Variants in SETD2 observed in about 807,000 individuals in gnomAD.
SETD2 encodes histone-lysine N-methyltransferase SETD2.
A neutral mutation model predicts 242.1 loss-of-function variants in SETD2; 31 were observed. The observed-to-expected ratio is 0.13, with a 90% CI of 0.10 to 0.17. The LOEUF is 0.17. Ranked by LOEUF, SETD2 falls within the 10% of genes least tolerant of loss-of-function variation. The pLI, the probability that SETD2 is intolerant of heterozygous loss-of-function variation, is 1.00. For missense variants in SETD2, 2,481 were observed against 3,046.3 expected, an observed-to-expected ratio of 0.81 and a Z score of 4.37; for synonymous variants, 1,006 against 1,066.5, an observed-to-expected ratio of 0.94 and a Z score of 1.11.
At chr3:47,055,433 C>CA (rs1010237399) in intron 15 of SETD2, among the ~76,000 whole-genome samples, 4 of 152,046 alleles carry the variant, frequency 2.6e-5, no homozygotes, top group Non-Finnish European at 4.4e-5. Context: ...TGGCCAGGCA[C>CA]AGTGGCTCAC....
At position 47,062,305 on chromosome 3, in the gene SETD2, T is replaced by C; in HGVS notation, c.6151A>G (p.Thr2051Ala). The C allele has an allele frequency of 6.2e-7, 1 of 1,612,672 alleles. No homozygotes were observed. Among genetic ancestry groups the C allele is most frequent in the Admixed American group, 1.7e-5 (1 of 59,848 alleles). The change falls in exon 14 of 21, where the codon ACA becomes GCA. Residue 2051 changes from threonine to alanine, a missense_variant. Coordinates refer to ENST00000409792, the MANE Select transcript of SETD2 (RefSeq NM_014159.7). ...GRDAVGFRDQ[T>A]PAPKTPNRSR... The stretch of plus-strand genomic sequence containing the variant: ...CTATTAGGAGTCTTCGGGGCAGGTG[T>C]TTGATCTCTGAAGCCAACAGCATCC...
intron 13 of SETD2, among the ~76,000 whole-genome samples, chr3:47,064,874 T>C (rs1412117216): frequency 2.0e-5 from 3 of 151,300 alleles, no homozygotes; most frequent in Admixed American, 2.0e-4. Flanking sequence ...GAGACTGAGA[T>C]GAAGGGTTCT....
chr3:47,114,698 G>T (rs2042786822), intron 4 of SETD2, among the ~76,000 whole-genome samples: 1 of 151,944 alleles, frequency 6.6e-6, no homozygotes, highest in African/African-American at 2.4e-5. Flanking sequence ...CGCCAACATA[G>T]TGAAATCCTG....
rs1217074463 is a variant in SETD2 at position 47,107,730 on chromosome 3, TGGGGGGGG to T, written c.4716-1618_4716-1611del. On this transcript the variant is annotated intron_variant, in intron 5 of 20. Coordinates refer to ENST00000409792, the MANE Select transcript of SETD2 (RefSeq NM_014159.7). ...AGTCACTTTGGGTGGCGGGGGGGGG[TGGGGGGGG>T]GGTGGCAGGATTGCTTTGGCCCAGG... is the stretch of plus-strand genomic sequence containing the variant. Among the ~76,000 whole-genome samples, 39 of 28,994 alleles carry T rather than the reference TGGGGGGGG, an allele frequency of 1.3e-3. 1 individual carries two copies. In the South Asian group the frequency reaches 0.022, roughly 16 times the overall value. 19.0% of individuals were successfully genotyped at this position (28,994 alleles called of 152,430 possible).
chr3:47,059,513 G>C (rs1023072727), intron 14 of SETD2, among the ~76,000 whole-genome samples: 3 of 151,524 alleles, frequency 2.0e-5, no homozygotes, highest in Non-Finnish European at 4.4e-5. Context: ...TCTGCCTCCC[G>C]GGTTCAAACA....
chr3:47,098,124 A>G (rs1260044878), intron 8 of SETD2, 43 bp from the exon 9 acceptor site: 1 of 1,604,774 alleles, frequency 6.2e-7, no homozygotes, highest in Non-Finnish European at 8.5e-7. Context: ...TGTGGAAGTA[A>G]ACCATACAAA....
At chr3:47,081,812 T>C (rs1475856407) in intron 12 of SETD2, among the ~76,000 whole-genome samples, 1 of 152,194 alleles carries the variant, frequency 6.6e-6, no homozygotes, top group African/African-American at 2.4e-5. Context: ...AATACAATTC[T>C]AGATGGGTAA....
chr3:47,093,719 T>A (rs1301587100), intron 9 of SETD2, among the ~76,000 whole-genome samples: 1 of 152,214 alleles, frequency 6.6e-6, no homozygotes, highest in Admixed American at 6.5e-5. Flanking sequence ...ATATGGTATA[T>A]GTTCTTTCAC....
At chr3:47,103,065 T>G (rs1469323005) in intron 7 of SETD2, among the ~76,000 whole-genome samples, 1 of 152,220 alleles carries the variant, frequency 6.6e-6, no homozygotes, top group Non-Finnish European at 1.5e-5. Context: ...GTCTTCATAT[T>G]ACTTAATAGC....
chr3:47,162,735 T>C (rs1697527340), intron 1 of SETD2, among the ~76,000 whole-genome samples: 1 of 152,184 alleles, frequency 6.6e-6, no homozygotes, highest in Admixed American at 6.5e-5. Flanking sequence ...GTGAAACCCC[T>C]ATCAACCGAT....
chr3:47,049,465 C>T (rs1483602109), intron 15 of SETD2, among the ~76,000 whole-genome samples: 25 of 145,116 alleles, frequency 1.7e-4, no homozygotes, highest in Non-Finnish European at 1.7e-4. Context: ...CTCCGCCTCC[C>T]GGGTTCACGC....
intron 10 of SETD2, among the ~76,000 whole-genome samples, chr3:47,087,083 C>CT (rs1459104028): frequency 1.4e-4 from 21 of 151,006 alleles, no homozygotes; most frequent in African/African-American, 5.1e-4. Flanking sequence ...TTGTGGCATA[C>CT]TTAATAAACT....
chr3:47,021,320 C>G (rs745403740), intron 18 of SETD2, among the ~76,000 whole-genome samples: 44 of 152,130 alleles, frequency 2.9e-4, no homozygotes, highest in Non-Finnish European at 5.0e-4. Flanking sequence ...TCTCAAAGAT[C>G]TGGGTCCTAT....
At chr3:47,160,952 C>A (rs1175176077) in intron 1 of SETD2, among the ~76,000 whole-genome samples, 2 of 152,194 alleles carry the variant, frequency 1.3e-5, no homozygotes, top group East Asian at 3.8e-4. Flanking sequence ...AGACATCTTG[C>A]AGCTGTGTCT....
intron 5 of SETD2, among the ~76,000 whole-genome samples, chr3:47,106,494 A>T (rs13317940): frequency 0.058 from 671 of 11,632 alleles, 21 homozygotes; most frequent in African/African-American, 0.13. Context: ...TTTTTGCTCT[A>T]AAAAAAAAAA....
At chr3:47,018,361 C>A (rs551151041) in intron 19 of SETD2, among the ~76,000 whole-genome samples, 2 of 152,166 alleles carry the variant, frequency 1.3e-5, no homozygotes, top group African/African-American at 4.8e-5. Flanking sequence ...AGGAATAGGA[C>A]CTTCAGAGGT....
intron 12 of SETD2, among the ~76,000 whole-genome samples, chr3:47,072,367 C>A (rs1213136181): frequency 6.6e-6 from 1 of 152,040 alleles, no homozygotes; most frequent in African/African-American, 2.4e-5. Flanking sequence ...ATATAGAGAT[C>A]AGATTATCTG....
chr3:47,132,074 C>G (rs1026911914), intron 1 of SETD2, among the ~76,000 whole-genome samples: 2 of 151,878 alleles, frequency 1.3e-5, no homozygotes, highest in African/African-American at 4.8e-5. Context: ...CTGTGCCTGG[C>G]CTAGTTTGCA....
chr3:47,066,478 T>C (rs2040560070), intron 13 of SETD2, among the ~76,000 whole-genome samples: 1 of 152,084 alleles, frequency 6.6e-6, no homozygotes, highest in African/African-American at 2.4e-5. Context: ...CTCCTGGTAA[T>C]TAGGATTATA....
Sources: gnomAD v4.1 joint callset for allele counts (sites outside exome capture counted in the v4.1 genomes callset) on GRCh38, gnomAD v4.1.1 for gene constraint, MANE v1.5 for transcripts, NCBI Gene and HGNC (gene_info 2026-07-23, HGNC 2026-07-21) for gene names.